Variants in MICU2 observed in about 807,000 individuals in gnomAD.
The protein encoded by MICU2 is mitochondrial calcium uptake 2, also known as calcium uptake protein 2, mitochondrial.
MICU2 carries 64 observed loss-of-function variants against 60.4 expected under a neutral mutation model. The ratio of observed to expected loss-of-function variants is 1.06; its 90% CI spans 0.87 to 1.31. The LOEUF (loss-of-function observed/expected upper bound fraction) is 1.31, where lower values mean the gene tolerates loss of function less well. MICU2 is among the 50% of genes most tolerant of loss of function. The pLI is 0.00. For missense variants in MICU2, 569 were observed against 531.0 expected, an observed-to-expected ratio of 1.07 and a Z score of -0.70; for synonymous variants, 201 against 175.0, an observed-to-expected ratio of 1.15 and a Z score of -1.17.
chr13:21,545,341 C>T (rs1434438409), intron 2 of MICU2, among the ~76,000 whole-genome samples: 1 of 152,134 alleles, frequency 6.6e-6, no homozygotes, highest in Non-Finnish European at 1.5e-5. Context: ...AGCCAAGAAC[C>T]AAAAGTTAAA....
At chr13:21,594,843 G>C (rs1888657953) in intron 1 of MICU2, among the ~76,000 whole-genome samples, 1 of 152,080 alleles carries the variant, frequency 6.6e-6, no homozygotes, top group Admixed American at 6.6e-5. Flanking sequence ...ACCCATGGAT[G>C]CAGAGAAGGG....
chr13:21,531,040 A>G (rs540591488), intron 4 of MICU2: 124 of 925,830 alleles, frequency 1.3e-4, no homozygotes, highest in Non-Finnish European at 1.9e-4. Flanking sequence ...GGGATTTTGC[A>G]GGATCGTGGT....
At chr13:21,512,609 A>G (rs1886460161) in intron 7 of MICU2, among the ~76,000 whole-genome samples, 1 of 151,822 alleles carries the variant, frequency 6.6e-6, no homozygotes. Flanking sequence ...CACCAGGCCC[A>G]GCTAATTTTT....
At chr13:21,517,776 C>CAA (rs1886607012) in intron 6 of MICU2, among the ~76,000 whole-genome samples, 1 of 89,184 alleles carries the variant, frequency 1.1e-5, no homozygotes, top group Non-Finnish European at 2.5e-5. Flanking sequence ...CGAGGACACA[C>CAA]ACACACACAC....
At chr13:21,603,720 C>G (rs1888880804) in intron 1 of MICU2, 1 of 575,444 alleles carries the variant, frequency 1.7e-6, no homozygotes, top group African/African-American at 2.0e-5. Flanking sequence ...CCAAGGGAGG[C>G]AGAATCTCCG....
At chr13:21,495,387 C>A in intron 10 of MICU2, 69 bp from the exon 11 acceptor site, 1 of 1,345,384 alleles carries the variant, frequency 7.4e-7, no homozygotes, top group Admixed American at 2.8e-5. Context: ...TCTAAATTTT[C>A]ATTATTTGAG....
chr13:21,553,263 T>C lies in MICU2; in HGVS notation c.358+13534A>G, dbSNP rs540016281. 1.2e-3 allele frequency among the ~76,000 whole-genome samples: 185 copies of C among 152,316 alleles called. 3 individuals carry two copies. The highest frequency in any genetic ancestry group is 6.8e-3 in the Middle Eastern group (2 of 294). On this transcript the variant is annotated intron_variant, in intron 2 of 11. Coordinates refer to ENST00000382374, the MANE Select transcript of MICU2 (RefSeq NM_152726.3). ...TGGTGTATAAGAATGCTTGTGATTT[T>C]TGCACATTGATTTTGTATCCTGAGA...
intron 2 of MICU2, among the ~76,000 whole-genome samples, chr13:21,545,552 G>A (rs1285226282): frequency 1.3e-5 from 2 of 151,984 alleles, no homozygotes; most frequent in Non-Finnish European, 2.9e-5. Flanking sequence ...GTGGTGGCGG[G>A]CGCCTGTAAT....
At chr13:21,570,800 T>TAA (rs1888090291) in intron 1 of MICU2, among the ~76,000 whole-genome samples, 3 of 152,140 alleles carry the variant, frequency 2.0e-5, no homozygotes. Flanking sequence ...CATACCCTGT[T>TAA]TGGTTAACTA....
In MICU2 at chr13:21,604,160, C is replaced by T. The variant is rs1313111028; in HGVS notation, c.-12G>A. On this transcript the variant is annotated 5_prime_UTR_variant, in exon 1 of 12. Transcript: ENST00000382374. ...GCAGCCGCCGCCATCTTTGCGGAAGCGCAGCTAGGCGGCGCTTCTCTCCCG... is the reference window on the plus strand; with the variant it reads ...GCAGCCGCCGCCATCTTTGCGGAAGTGCAGCTAGGCGGCGCTTCTCTCCCG... 13 of 1,540,128 alleles carry T rather than the reference C, an allele frequency of 8.4e-6. No individual in the cohort carries two copies. The South Asian group carries it at 1.4e-4, about 17-fold the overall frequency.
intron 1 of MICU2, among the ~76,000 whole-genome samples, chr13:21,576,011 C>G (rs926000931): frequency 6.6e-6 from 1 of 152,176 alleles, no homozygotes; most frequent in African/African-American, 2.4e-5. Context: ...GAGGAACTCA[C>G]TCCCTAGTGG....
At chr13:21,536,855 A>G (rs772199431) in intron 4 of MICU2, among the ~76,000 whole-genome samples, 145 of 152,200 alleles carry the variant, frequency 9.5e-4, no homozygotes, top group Non-Finnish European at 7.6e-4. Context: ...CATCTCTCAG[A>G]TCCTTGATAA....
At position 21,604,023 on chromosome 13, in the gene MICU2, C is replaced by T. The variant is rs1566175734; in HGVS notation, c.126G>A (p.Ala42=). The T allele has an allele frequency of 6.8e-6, 11 of 1,608,378 alleles. No homozygotes were observed. Among genetic ancestry groups the T allele is most frequent in the South Asian group, 1.1e-5 (1 of 90,846 alleles). ...PGPLAAAVAG[A]ALAGAGAAWH... is the part of the protein sequence containing the mutation. ...AGGCCGCTCCTGCTCCTGCCAGGGC[C>T]GCGCCGGCCACTGCCGCTGCCAAGG... Residue 42 remains alanine (A), a synonymous_variant, in exon 1 of 12, where the codon GCG becomes GCA. Transcript: ENST00000382374.
At chr13:21,540,579 T>C (rs1269421714) in intron 2 of MICU2, among the ~76,000 whole-genome samples, 1 of 152,186 alleles carries the variant, frequency 6.6e-6, no homozygotes, top group Non-Finnish European at 1.5e-5. Context: ...GCAAATTCTA[T>C]TATTTGGTAT....
intron 9 of MICU2, among the ~76,000 whole-genome samples, chr13:21,501,724 A>G (rs1010590101): frequency 1.3e-5 from 2 of 152,192 alleles, no homozygotes; most frequent in African/African-American, 4.8e-5. Context: ...GCCAATAGCC[A>G]AGTGTCATGT....
At chr13:21,564,658 C>T (rs1253862566) in intron 2 of MICU2, among the ~76,000 whole-genome samples, 1 of 152,088 alleles carries the variant, frequency 6.6e-6, no homozygotes, top group Non-Finnish European at 1.5e-5. Flanking sequence ...ATTTCCATCC[C>T]CCTAGGGTGG....
At chr13:21,559,529 C>CT (rs71202427) in intron 2 of MICU2, among the ~76,000 whole-genome samples, 52,635 of 143,626 alleles carry the variant, frequency 0.37, 9,789 homozygotes, top group South Asian at 0.43. Flanking sequence ...TCTTTCTTTT[C>CT]TTTTTTTTTT....
At chr13:21,602,676 C>A (rs1215509201) in intron 1 of MICU2, 1 of 152,032 alleles carries the variant, frequency 6.6e-6, no homozygotes, top group South Asian at 2.1e-4. Flanking sequence ...TATATGTTTA[C>A]AATATAATTA....
At chr13:21,495,636 A>G (rs373496406) in intron 10 of MICU2, 1 of 246,314 alleles carries the variant, frequency 4.1e-6, no homozygotes, top group African/African-American at 2.3e-5. Flanking sequence ...CCCGGGTTCA[A>G]GCGATTCTCT....
Sources: allele counts gnomAD v4.1 joint callset (sites outside exome capture counted in the v4.1 genomes callset), GRCh38; gene constraint gnomAD v4.1.1; transcripts MANE v1.5; gene names NCBI Gene and HGNC (gene_info 2026-07-23, HGNC 2026-07-21).